MEGF10: variants seen among roughly 807,000 people sequenced by gnomAD.
The protein encoded by MEGF10 is multiple epidermal growth factor-like domains protein 10.
A neutral mutation model predicts 147.5 loss-of-function variants in MEGF10; 86 were observed. The observed-to-expected ratio is 0.58, with a 90% CI of 0.49 to 0.70. The LOEUF (loss-of-function observed/expected upper bound fraction) is 0.70, where lower values mean the gene tolerates loss of function less well. MEGF10 is among the 30% of genes least tolerant of loss of function. MEGF10 has a pLI of 0.00. For synonymous variants in MEGF10, 478 were observed against 525.5 expected (o/e 0.91, Z 1.24); for missense variants, 1,329 against 1,487.3 (o/e 0.89, Z 1.75).
the MEGF10 span, among the ~76,000 whole-genome samples, chr5:127,232,604 G>A: frequency 2.0e-5 from 3 of 152,126 alleles, no homozygotes; most frequent in Non-Finnish European, 2.9e-5. Context: ...AGGAGCAGAT[G>A]TGAAATGATA....
the MEGF10 span, among the ~76,000 whole-genome samples, chr5:127,253,506 T>C: frequency 6.6e-6 from 1 of 151,958 alleles, no homozygotes; most frequent in African/African-American, 2.4e-5. Flanking sequence ...AAAAGAAAAT[T>C]ATAATACACA....
chr5:127,400,981 T>G (rs1373233231), intron 7 of MEGF10, among the ~76,000 whole-genome samples: 7 of 152,228 alleles, frequency 4.6e-5, no homozygotes, highest in Admixed American at 2.0e-4. Context: ...TAGACACACA[T>G]ACCTTCATAT....
At chr5:127,450,651 GATATTA>G (rs1179255853) in intron 22 of MEGF10, among the ~76,000 whole-genome samples, 5 of 152,056 alleles carry the variant, frequency 3.3e-5, no homozygotes, top group Admixed American at 1.3e-4. Flanking sequence ...ACATATCACA[GATATTA>G]CATGGGATGT....
the MEGF10 span, among the ~76,000 whole-genome samples, chr5:127,244,162 C>G: frequency 8.1e-4 from 117 of 145,214 alleles, no homozygotes; most frequent in Non-Finnish European, 8.0e-4. Flanking sequence ...CACCATTGCA[C>G]TCCAGCCTGG....
intron 1 of MEGF10, among the ~76,000 whole-genome samples, chr5:127,317,481 A>AT (rs1173050242): frequency 6.6e-6 from 1 of 152,138 alleles, no homozygotes; most frequent in Non-Finnish European, 1.5e-5. Flanking sequence ...TCTTGAATTA[A>AT]TTTTTTTATA....
chr5:127,426,479 G>T (rs1765213447), intron 13 of MEGF10, among the ~76,000 whole-genome samples: 2 of 152,186 alleles, frequency 1.3e-5, no homozygotes, highest in Non-Finnish European at 2.9e-5. Context: ...AAAAGAGGCA[G>T]ATTGCAGTAG....
chr5:127,319,775 G>A (rs929748335), intron 1 of MEGF10, among the ~76,000 whole-genome samples: 2 of 152,118 alleles, frequency 1.3e-5, no homozygotes, highest in Admixed American at 6.6e-5. Flanking sequence ...AGCACCCTAG[G>A]GCCAATTATC....
intron 20 of MEGF10, among the ~76,000 whole-genome samples, chr5:127,446,601 G>A (rs1365722956): frequency 6.6e-6 from 1 of 152,184 alleles, no homozygotes; most frequent in South Asian, 2.1e-4. Context: ...TTATTCCAGT[G>A]AACGGTTTGC....
chr5:127,269,828 A>G, the MEGF10 span, among the ~76,000 whole-genome samples: 4 of 152,238 alleles, frequency 2.6e-5, no homozygotes, highest in African/African-American at 9.6e-5. Context: ...AAGGGCAGCC[A>G]GAGAGAAAGG....
chr5:127,327,917 A>G (rs954875637), intron 1 of MEGF10, among the ~76,000 whole-genome samples: 2 of 151,954 alleles, frequency 1.3e-5, no homozygotes, highest in Non-Finnish European at 2.9e-5. Context: ...GGGTTTCACC[A>G]TGTTGGCCAG....
chr5:127,263,872 C>G, the MEGF10 span, among the ~76,000 whole-genome samples: 1 of 152,182 alleles, frequency 6.6e-6, no homozygotes, highest in Non-Finnish European at 1.5e-5. Flanking sequence ...TTTGAGAAGG[C>G]AAAAGGAACT....
At chr5:127,438,656 A>T (rs1765644861) in intron 17 of MEGF10, 89 bp downstream of exon 17, 1 of 1,446,022 alleles carries the variant, frequency 6.9e-7, no homozygotes, top group South Asian at 1.3e-5. Flanking sequence ...CTGGAGCTCA[A>T]CAAAGGTCCC....
At chr5:127,350,088 A>G (rs1256137845) in intron 4 of MEGF10, among the ~76,000 whole-genome samples, 3 of 152,104 alleles carry the variant, frequency 2.0e-5, no homozygotes, top group Admixed American at 6.5e-5. Context: ...TTTCACGGCT[A>G]TGTTTGGAAG....
chr5:127,311,042 A>G (rs945135522), intron 1 of MEGF10, among the ~76,000 whole-genome samples: 1 of 152,210 alleles, frequency 6.6e-6, no homozygotes, highest in Non-Finnish European at 1.5e-5. Context: ...CTCCAAGTAT[A>G]TAGACAGTGA....
the MEGF10 span, among the ~76,000 whole-genome samples, chr5:127,246,001 TTGG>T: frequency 6.6e-6 from 1 of 152,166 alleles, no homozygotes; most frequent in African/African-American, 2.4e-5. Flanking sequence ...TTTTTCACTG[TTGG>T]TGGGAGTGTA....
chr5:127,277,283 C>T, the MEGF10 span, among the ~76,000 whole-genome samples: 5 of 152,182 alleles, frequency 3.3e-5, no homozygotes, highest in Admixed American at 2.0e-4. Flanking sequence ...ATGCTCTCTC[C>T]TGGGAGCAGA....
At chr5:127,272,420 G>A in the MEGF10 span, among the ~76,000 whole-genome samples, 1 of 151,998 alleles carries the variant, frequency 6.6e-6, no homozygotes, top group Non-Finnish European at 1.5e-5. Flanking sequence ...GCTCTTTTTG[G>A]GTTCTATATG....
At chr5:127,327,964 G>A (rs1319197405) in intron 1 of MEGF10, among the ~76,000 whole-genome samples, 22 of 152,012 alleles carry the variant, frequency 1.4e-4, no homozygotes, top group Non-Finnish European at 2.4e-4. Context: ...TGATCCACCC[G>A]CCTCTGCCTC....
intron 4 of MEGF10, among the ~76,000 whole-genome samples, chr5:127,344,218 T>C (rs1761788017): frequency 6.6e-6 from 1 of 152,208 alleles, no homozygotes; most frequent in Non-Finnish European, 1.5e-5. Flanking sequence ...CCAGACATAC[T>C]TTCTGCCATC....
Sources: gnomAD v4.1 joint callset for allele counts (sites outside exome capture counted in the v4.1 genomes callset) on GRCh38, gnomAD v4.1.1 for gene constraint, MANE v1.5 for transcripts, NCBI Gene and HGNC (gene_info 2026-07-23, HGNC 2026-07-21) for gene names.